The following RAVER2 variants were observed in gnomAD, a reference collection of about 807,000 sequenced individuals.
RAVER2 encodes the protein ribonucleoprotein PTB-binding 2.
A neutral mutation model predicts 78.1 loss-of-function variants in RAVER2; 46 were observed. The observed-to-expected ratio is 0.59, with a 90% CI of 0.46 to 0.75. The LOEUF (loss-of-function observed/expected upper bound fraction) is 0.75. Among genes scored for constraint, RAVER2 ranks in the 30% least tolerant of loss-of-function variants. The probability of loss-of-function intolerance (pLI) is 0.00; values close to 1 mark genes in which losing one functional copy is unlikely to be tolerated. For missense variants in RAVER2, 793 were observed against 837.5 expected, an observed-to-expected ratio of 0.95 and a Z score of 0.66; for synonymous variants, 311 against 313.3, an observed-to-expected ratio of 0.99 and a Z score of 0.08.
chr1:64,754,640 G>A (rs1021306354), intron 1 of RAVER2, among the ~76,000 whole-genome samples: 3 of 152,170 alleles, frequency 2.0e-5, no homozygotes, highest in Non-Finnish European at 1.5e-5. Context: ...CCAAGAAAGT[G>A]CTAATATTCA....
rs1319840775 is a variant in RAVER2 at position 64,812,705 on chromosome 1, T to G, written c.1681-33T>G. 5 of 1,436,934 alleles carry G rather than the reference T, an allele frequency of 3.5e-6. No individual in the cohort carries two copies. The East Asian group carries it at 1.2e-4, about 33-fold the overall frequency. 89.0% of individuals were successfully genotyped at this position (1,436,934 alleles called of 1,614,324 possible). ...TATTTTTATTTTCGTGTACCTCTCATTAAGTACTCCCTCCTTTGTTTTTGT... is the reference window on the plus strand; with the variant it reads ...TATTTTTATTTTCGTGTACCTCTCAGTAAGTACTCCCTCCTTTGTTTTTGT... On this transcript the variant is annotated intron_variant, in intron 9 of 11. Coordinates refer to ENST00000294428, the Ensembl canonical transcript of RAVER2.
chr1:64,781,015 A>G (rs1300174283), intron 3 of RAVER2, among the ~76,000 whole-genome samples: 1 of 152,130 alleles, frequency 6.6e-6, no homozygotes, highest in African/African-American at 2.4e-5. Context: ...AGTATGTTTC[A>G]CTGTCCATGT....
exon 12 of RAVER2, chr1:64,830,970 G>A (rs1308000924): frequency 1.9e-6 from 3 of 1,613,660 alleles, no homozygotes; most frequent in Non-Finnish European, 1.7e-6. Flanking sequence ...ACTTAAAAAA[G>A]AAGCGAGTAT....
chr1:64,798,655 T>C (rs1252480210), intron 5 of RAVER2, among the ~76,000 whole-genome samples: 1 of 152,216 alleles, frequency 6.6e-6, no homozygotes, highest in African/African-American at 2.4e-5. Context: ...CATCTAGGGC[T>C]TTGTAATTTA....
chr1:64,776,226 G>T (rs1652459418), intron 2 of RAVER2, among the ~76,000 whole-genome samples: 2 of 152,024 alleles, frequency 1.3e-5, no homozygotes, highest in African/African-American at 4.8e-5. Context: ...AAAAGACATA[G>T]AATCAAAATC....
chr1:64,755,296 T>C (rs1038621114), intron 1 of RAVER2, among the ~76,000 whole-genome samples: 3 of 152,236 alleles, frequency 2.0e-5, no homozygotes, highest in African/African-American at 7.2e-5. Flanking sequence ...ACTTGTCTTC[T>C]AGGTATTTGG....
At chr1:64,765,563 A>T (rs763658516) in intron 1 of RAVER2, among the ~76,000 whole-genome samples, 1 of 152,178 alleles carries the variant, frequency 6.6e-6, no homozygotes, top group Non-Finnish European at 1.5e-5. Context: ...ATACAAAACA[A>T]TATAATGTTT....
chr1:64,801,138 A>C (rs1237612216), intron 5 of RAVER2, among the ~76,000 whole-genome samples: 1 of 151,282 alleles, frequency 6.6e-6, no homozygotes, highest in African/African-American at 2.4e-5. Context: ...TCACTCTGTC[A>C]GCCAGGCTGG....
intron 2 of RAVER2, among the ~76,000 whole-genome samples, chr1:64,770,325 G>A (rs1652281353): frequency 6.6e-6 from 1 of 151,896 alleles, no homozygotes; most frequent in South Asian, 2.1e-4. Context: ...ATAATTCATG[G>A]GGCATTAGAA....
chr1:64,783,179 C>T (rs1330581116), intron 4 of RAVER2, among the ~76,000 whole-genome samples: 6 of 151,998 alleles, frequency 3.9e-5, no homozygotes, highest in East Asian at 3.9e-4. Context: ...TGAATAGTGC[C>T]GCAATAAATA....
intron 6 of RAVER2, among the ~76,000 whole-genome samples, chr1:64,804,222 C>T (rs1653348410): frequency 6.6e-6 from 1 of 152,178 alleles, no homozygotes; most frequent in East Asian, 1.9e-4. Context: ...TTCCTTGAAT[C>T]TTCCAGGCTA....
At chr1:64,807,947 C>T (rs1028683742) in intron 9 of RAVER2, among the ~76,000 whole-genome samples, 24 of 152,096 alleles carry the variant, frequency 1.6e-4, no homozygotes, top group Admixed American at 5.2e-4. Context: ...TATTCGCTTA[C>T]GTAGTAATGT....
chr1:64,754,698 A>G (rs1162739800), intron 1 of RAVER2, among the ~76,000 whole-genome samples: 1 of 152,216 alleles, frequency 6.6e-6, no homozygotes, highest in Non-Finnish European at 1.5e-5. Flanking sequence ...TGGATCTCTT[A>G]TAGCTTATCC....
At chr1:64,757,172 G>T (rs530613645) in intron 1 of RAVER2, among the ~76,000 whole-genome samples, 4 of 152,318 alleles carry the variant, frequency 2.6e-5, no homozygotes, top group Admixed American at 2.0e-4. Flanking sequence ...CACTGAGTAT[G>T]TCCTTTGTTT....
rs181226800 is a variant in RAVER2, at chr1:64,745,966, C to T, written c.249+545C>T. Reference sequence around the variant, plus strand: ...GAAACAACTCTGTCTTCTCAGTTTGCTAAGGCCCCAGAATAGAGTTATTGC... The same window carrying T: ...GAAACAACTCTGTCTTCTCAGTTTGTTAAGGCCCCAGAATAGAGTTATTGC... On this transcript the variant is annotated intron_variant, in intron 1 of 11. Transcript: ENST00000294428. The surrounding 1 kb of genome is among the most constrained non-coding windows in gnomAD (Gnocchi z 4.3). 3.3e-4 allele frequency among the ~76,000 whole-genome samples: 51 copies of T among 152,332 alleles called. No homozygotes were observed. Among genetic ancestry groups the T allele is most frequent in the African/African-American group, 1.2e-3 (50 of 41,580 alleles).
intron 1 of RAVER2, among the ~76,000 whole-genome samples, chr1:64,757,943 C>T (rs56958645): frequency 0.11 from 16,885 of 151,970 alleles, 1,005 homozygotes; most frequent in East Asian, 0.25. Context: ...TTTGATCAAC[C>T]CCATTTACAT....
rs557231217 is a variant in RAVER2 at position 64,800,142 on chromosome 1, T to G, written c.1106-2834T>G. The stretch of plus-strand genomic sequence containing the variant: ...TTTTTTTGTTTTTTGTTTTTTTTTT[T>G]TGCTGTTGAATTGCTAGAGTTCTGT... On this transcript the variant is annotated intron_variant, in intron 5 of 11. Coordinates refer to ENST00000294428, the Ensembl canonical transcript of RAVER2. Among the ~76,000 whole-genome samples the G allele has an allele frequency of 3.3e-5, 5 of 152,022 alleles. No individual in the cohort carries two copies. The South Asian group carries it at 1.0e-3, about 32-fold the overall frequency.
exon 12 of RAVER2, chr1:64,832,471 T>TATG (rs745380798): frequency 1.3e-5 from 2 of 152,420 alleles, no homozygotes; most frequent in Non-Finnish European, 2.9e-5. Flanking sequence ...TAAGTTTGTT[T>TATG]ATGTTATAAG....
chr1:64,779,543 T>C (rs1570548400), intron 3 of RAVER2, among the ~76,000 whole-genome samples: 1 of 47,524 alleles, frequency 2.1e-5, no homozygotes, highest in African/African-American at 1.6e-4. Flanking sequence ...TACTTTTTAA[T>C]TTTTTTTTTT....
Sources: allele counts gnomAD v4.1 joint callset (sites outside exome capture counted in the v4.1 genomes callset), GRCh38; gene constraint gnomAD v4.1.1; non-coding constraint Gnocchi (gnomAD v3.1); transcripts MANE v1.5; gene names NCBI Gene and HGNC (gene_info 2026-07-23, HGNC 2026-07-21).